Variants in HACL1 observed in about 807,000 individuals in gnomAD.
HACL1 encodes the protein 1600020H07Rik.
In HACL1, 64 loss-of-function variants were observed where a neutral mutation model predicts 74.2. That is an observed-to-expected ratio of 0.86 (90% CI 0.70 to 1.06). HACL1 has a LOEUF of 1.06. Among genes scored for constraint, HACL1 ranks in the 50% least tolerant of loss-of-function variants. The probability of loss-of-function intolerance (pLI) is 0.00; values close to 1 mark genes in which losing one functional copy is unlikely to be tolerated. For missense variants in HACL1, 728 were observed against 719.7 expected (o/e 1.01, Z -0.13); for synonymous variants, 230 against 238.8 (o/e 0.96, Z 0.34).
intron 8 of HACL1, among the ~76,000 whole-genome samples, chr3:15,581,036 G>A (rs367976982): frequency 3.9e-5 from 6 of 152,190 alleles, no homozygotes; most frequent in Admixed American, 3.9e-4. Context: ...CAAGTAGCTG[G>A]GATTACAGGC....
At chr3:15,600,306 G>C (rs900204388) in intron 2 of HACL1, among the ~76,000 whole-genome samples, 1 of 152,222 alleles carries the variant, frequency 6.6e-6, no homozygotes, top group African/African-American at 2.4e-5. Flanking sequence ...ATTTAAATTA[G>C]AAGGCAACGG....
chr3:15,571,556 G>A (rs371866348), intron 12 of HACL1, 112 bp downstream of exon 12: 6 of 724,238 alleles, frequency 8.3e-6, no homozygotes, highest in African/African-American at 7.2e-5. Flanking sequence ...GGTTTTCACT[G>A]CACAATTTTG....
chr3:15,582,422 T>C (rs1388368297), intron 8 of HACL1, among the ~76,000 whole-genome samples: 2 of 152,124 alleles, frequency 1.3e-5, no homozygotes, highest in Admixed American at 6.6e-5. Flanking sequence ...AACGTACACA[T>C]GAAGAGACAT....
chr3:15,573,332 T>C (rs1199286654), intron 10 of HACL1, 90 bp from the exon 11 acceptor site: 2 of 729,020 alleles, frequency 2.7e-6, no homozygotes, highest in Non-Finnish European at 4.8e-6. Flanking sequence ...GAACTGTGTA[T>C]ATAGAACACA....
intron 5 of HACL1, among the ~76,000 whole-genome samples, chr3:15,587,557 A>G (rs928746645): frequency 1.3e-5 from 2 of 152,064 alleles, no homozygotes; most frequent in African/African-American, 4.8e-5. Context: ...TTGATCTAAT[A>G]AACTATTATT....
intron 12 of HACL1, among the ~76,000 whole-genome samples, chr3:15,569,622 G>A (rs2063490142): frequency 6.6e-6 from 1 of 152,182 alleles, no homozygotes; most frequent in East Asian, 2.0e-4. Flanking sequence ...GGGAGTTCGA[G>A]ACCAGCCTGA....
Position 15,582,213 on chromosome 3 carries a change from T to C in HACL1, c.667+664A>G, listed in dbSNP as rs77302219. 9.2e-3 allele frequency among the ~76,000 whole-genome samples: 1,402 copies of C among 152,318 alleles called. 17 individuals are homozygous for C. The highest frequency in any genetic ancestry group is 0.032 in the African/African-American group (1,339 of 41,580). ...ATAAATTGCTGACAGGAGTATAAAT[T>C]GGTTGGTACAACACCTCCAGAGAAA... On this transcript the variant is annotated intron_variant, in intron 8 of 16. Coordinates refer to ENST00000321169, the MANE Select transcript of HACL1 (RefSeq NM_012260.4).
At chr3:15,592,971 T>C (rs75155009) in intron 3 of HACL1, among the ~76,000 whole-genome samples, 2 of 84,368 alleles carry the variant, frequency 2.4e-5, no homozygotes, top group South Asian at 3.9e-4. Context: ...TGTACGCACA[T>C]GTGTGCGTGT....
chr3:15,575,362 A>G (rs760029029), intron 9 of HACL1, among the ~76,000 whole-genome samples: 1 of 152,178 alleles, frequency 6.6e-6, no homozygotes, highest in African/African-American at 2.4e-5. Flanking sequence ...GTACAAGTAC[A>G]CTGTAGGCAA....
chr3:15,572,871 C>T (rs2063560496), intron 11 of HACL1, among the ~76,000 whole-genome samples: 1 of 152,184 alleles, frequency 6.6e-6, no homozygotes, highest in Non-Finnish European at 1.5e-5. Context: ...TAGCTGGATG[C>T]TATTTAATAA....
At chr3:15,596,516 T>C (rs1231900474) in intron 2 of HACL1, 92 bp from the exon 3 acceptor site, 15 of 757,768 alleles carry the variant, frequency 2.0e-5, no homozygotes, top group Non-Finnish European at 3.3e-5. Context: ...GACAAGAACA[T>C]AGTGGTAAAG....
intron 14 of HACL1, among the ~76,000 whole-genome samples, chr3:15,566,843 G>T (rs1342254478): frequency 7.1e-6 from 1 of 141,644 alleles, no homozygotes; most frequent in African/African-American, 2.6e-5. Context: ...TTTTGCGATG[G>T]AGTCTTGCTC....
rs1335221695 is a variant in HACL1 at position 15,592,090 on chromosome 3, ACACAC to A, written c.228-415_228-411del. ...CGTATATACGTATACGTATATATAC[ACACAC>A]TATATACGTATATATACACACTATA... is the stretch of plus-strand genomic sequence containing the variant. On this transcript the variant is annotated intron_variant, in intron 3 of 16. Coordinates refer to ENST00000321169, the MANE Select transcript of HACL1 (RefSeq NM_012260.4). 1.4e-3 allele frequency among the ~76,000 whole-genome samples: 198 copies of A among 140,368 alleles called. 2 individuals carry two copies. The highest frequency in any genetic ancestry group is 5.4e-3 in the African/African-American group (184 of 34,016). 92.1% of individuals were successfully genotyped at this position (140,368 alleles called of 152,430 possible).
At chr3:15,573,624 A>G (rs1440392417) in intron 10 of HACL1, among the ~76,000 whole-genome samples, 1 of 152,196 alleles carries the variant, frequency 6.6e-6, no homozygotes, top group Non-Finnish European at 1.5e-5. Flanking sequence ...GTCACCTGGT[A>G]TATTCTGGGC....
rs759702695 is a variant in HACL1, at chr3:15,601,464, C to T, written c.-1G>A. The T allele has an allele frequency of 1.9e-6, 3 of 1,613,046 alleles. No homozygotes were observed. Among genetic ancestry groups the T allele is most frequent in the South Asian group, 2.2e-5 (2 of 91,092 alleles). ...GCTCTGCGAAGTTACTGTCCGGCAT[C>T]TTCCACCGAAAAGCTCTAAGCACTC... On this transcript the variant is annotated 5_prime_UTR_variant, in exon 1 of 17. Coordinates refer to ENST00000321169, the MANE Select transcript of HACL1 (RefSeq NM_012260.4).
intron 16 of HACL1, among the ~76,000 whole-genome samples, chr3:15,562,496 T>A (rs2063359930): frequency 6.6e-6 from 1 of 152,212 alleles, no homozygotes; most frequent in African/African-American, 2.4e-5. Context: ...TATCCAGGTA[T>A]CTGTTTACCC....
At chr3:15,573,110 G>C (rs1309706828) in intron 11 of HACL1, 49 bp downstream of exon 11, 4 of 963,340 alleles carry the variant, frequency 4.2e-6, no homozygotes, top group Admixed American at 3.5e-5. Flanking sequence ...TTCAAGAATT[G>C]ACTATTCCCT....
At position 15,601,533 on chromosome 3, in the gene HACL1, G is replaced by A. The variant is rs775751949; in HGVS notation, c.-70C>T. ...CGGAATCATCCAGCAAGGCAAACGC[G>A]AAATCGGCAGCACGCCACCTCTGGT... On this transcript the variant is annotated 5_prime_UTR_variant, in exon 1 of 17. Coordinates refer to ENST00000321169, the MANE Select transcript of HACL1 (RefSeq NM_012260.4). 5.6e-6 allele frequency: 9 copies of A among 1,607,646 alleles called. No individual in the cohort carries two copies. Among genetic ancestry groups the A allele is most frequent in the South Asian group, 2.2e-5 (2 of 91,036 alleles).
intron 2 of HACL1, among the ~76,000 whole-genome samples, chr3:15,599,056 T>C (rs747994801): frequency 2.0e-5 from 3 of 152,256 alleles, no homozygotes; most frequent in Non-Finnish European, 2.9e-5. Context: ...TGCCTGCTTA[T>C]CCTTCAGGAC....
Sources: gnomAD v4.1 joint callset for allele counts (sites outside exome capture counted in the v4.1 genomes callset) on GRCh38, gnomAD v4.1.1 for gene constraint, MANE v1.5 for transcripts, NCBI Gene and HGNC (gene_info 2026-07-23, HGNC 2026-07-21) for gene names.